Variants in SH3RF3 observed in about 807,000 individuals in gnomAD.
The protein encoded by SH3RF3 is E3 ubiquitin-protein ligase SH3RF3.
Under a neutral mutation model 66.3 loss-of-function variants are expected in SH3RF3, and 29 were observed. That is an observed-to-expected ratio of 0.44 (90% CI 0.33 to 0.60). The LOEUF (loss-of-function observed/expected upper bound fraction) is 0.60, where lower values mean the gene tolerates loss of function less well. Ranked by LOEUF, SH3RF3 falls within the 20% of genes least tolerant of loss-of-function variation. The pLI, the probability that SH3RF3 is intolerant of heterozygous loss-of-function variation, is 0.04. For missense variants in SH3RF3, 1,194 were observed against 1,190.9 expected, an observed-to-expected ratio of 1.00 and a Z score of -0.04; for synonymous variants, 583 against 532.0, an observed-to-expected ratio of 1.10 and a Z score of -1.32.
intron 1 of SH3RF3, among the ~76,000 whole-genome samples, chr2:109,252,838 C>T (rs1398699686): frequency 1.3e-5 from 2 of 152,080 alleles, no homozygotes; most frequent in African/African-American, 4.8e-5. Context: ...AAGTGAAAAA[C>T]ACTGGTTATA....
In SH3RF3 at chr2:109,169,507, C is replaced by A. The variant is rs372400596; in HGVS notation, c.573+39394C>A. Among the ~76,000 whole-genome samples the A allele has an allele frequency of 2.3e-4, 35 of 152,146 alleles. No individual in the cohort carries two copies. In the East Asian group the frequency reaches 6.0e-3, roughly 26 times the overall value. ...GGGAGCTTCTTATCTCTGCTCTGTG[C>A]TCTCTTGGTCATGGGTCCATTTTCA... On this transcript the variant is annotated intron_variant, in intron 1 of 9. Transcript: ENST00000309415.
At chr2:109,259,211 T>C (rs1413314072) in intron 1 of SH3RF3, among the ~76,000 whole-genome samples, 2 of 152,198 alleles carry the variant, frequency 1.3e-5, no homozygotes, top group Non-Finnish European at 2.9e-5. Flanking sequence ...TTCTCTGGCC[T>C]TCATGGGTCG....
chr2:109,293,857 C>T (rs1188446097), intron 1 of SH3RF3, among the ~76,000 whole-genome samples: 1 of 152,232 alleles, frequency 6.6e-6, no homozygotes, highest in Non-Finnish European at 1.5e-5. Context: ...TCTTGCTCCT[C>T]TACCTCACAT....
chr2:109,449,203 C>G lies in SH3RF3; in HGVS notation c.1862C>G (p.Pro621Arg). 6.2e-7 allele frequency: 1 copy of G among 1,613,676 alleles called. No individual in the cohort carries two copies. Among genetic ancestry groups the G allele is most frequent in the South Asian group, 1.1e-5 (1 of 90,996 alleles). Reference protein sequence around the residue: ...AHSAAQAQDRPTATVSPLRTQ... With the variant: ...AHSAAQAQDRRTATVSPLRTQ... Reference sequence around the variant, plus strand: ...TCTGCAGCCCAGGCTCAGGACCGGCCAACTGCCACCGTGTCACCCCTGCGC... The same window carrying G: ...TCTGCAGCCCAGGCTCAGGACCGGCGAACTGCCACCGTGTCACCCCTGCGC... The change falls in exon 8 of 10, where the codon CCA (proline) becomes CGA (arginine). Residue 621 changes from proline (P) to arginine (R), a missense_variant. By Grantham distance (103) the Pro-to-Arg change is moderately radical. Coordinates refer to ENST00000309415, the MANE Select transcript of SH3RF3 (RefSeq NM_001099289.3).
intron 1 of SH3RF3, among the ~76,000 whole-genome samples, chr2:109,203,338 G>A (rs1321635566): frequency 6.6e-6 from 1 of 152,242 alleles, no homozygotes; most frequent in African/African-American, 2.4e-5. Flanking sequence ...AGATGCGGCG[G>A]AGCTTGCTAG....
chr2:109,421,006 T>C (rs1004531076), intron 5 of SH3RF3, among the ~76,000 whole-genome samples: 1 of 152,216 alleles, frequency 6.6e-6, no homozygotes, highest in African/African-American at 2.4e-5. Flanking sequence ...GAGACTGATA[T>C]TCAAGTTTTC....
chr2:109,409,841 C>T (rs1676540330), intron 4 of SH3RF3, among the ~76,000 whole-genome samples: 1 of 152,104 alleles, frequency 6.6e-6, no homozygotes. Context: ...CTGATTTACA[C>T]CCCGTGTAAT....
chr2:109,361,484 C>A (rs888065958), intron 2 of SH3RF3, among the ~76,000 whole-genome samples: 1 of 152,050 alleles, frequency 6.6e-6, no homozygotes, highest in Non-Finnish European at 1.5e-5. Flanking sequence ...TATTCAGTTT[C>A]TTTTTTTAAA....
At chr2:109,394,432 AG>A (rs1676086644) in intron 3 of SH3RF3, among the ~76,000 whole-genome samples, 1 of 152,168 alleles carries the variant, frequency 6.6e-6, no homozygotes, top group African/African-American at 2.4e-5. Flanking sequence ...GCATCGGACT[AG>A]GGGGTGGCCC....
chr2:109,375,342 AC>A (rs1404274442), intron 3 of SH3RF3, among the ~76,000 whole-genome samples: 1 of 152,164 alleles, frequency 6.6e-6, no homozygotes, highest in Non-Finnish European at 1.5e-5. Context: ...CCACGCCAGG[AC>A]CCAGGGCACG....
At chr2:109,171,897 TC>T (rs1263941788) in intron 1 of SH3RF3, among the ~76,000 whole-genome samples, 1 of 152,380 alleles carries the variant, frequency 6.6e-6, no homozygotes, top group Non-Finnish European at 1.5e-5. Flanking sequence ...CATTCTGTGT[TC>T]CCATAAAGGG....
intron 1 of SH3RF3, among the ~76,000 whole-genome samples, chr2:109,289,062 G>T (rs1261727348): frequency 6.6e-6 from 1 of 152,192 alleles, no homozygotes. Flanking sequence ...TCCTGGAATA[G>T]GTGCTAAATT....
chr2:109,360,394 T>G (rs1229749126), intron 2 of SH3RF3, among the ~76,000 whole-genome samples: 1 of 152,204 alleles, frequency 6.6e-6, no homozygotes, highest in East Asian at 1.9e-4. Flanking sequence ...TTGCTTTTTG[T>G]AGGCTCGATG....
At chr2:109,452,532 A>G (rs1677904834) in intron 8 of SH3RF3, among the ~76,000 whole-genome samples, 1 of 152,202 alleles carries the variant, frequency 6.6e-6, no homozygotes, top group South Asian at 2.1e-4. Flanking sequence ...CCTTCCATGC[A>G]TGTACCAGAG....
At chr2:109,392,341 G>C (rs1676021282) in intron 3 of SH3RF3, among the ~76,000 whole-genome samples, 1 of 152,120 alleles carries the variant, frequency 6.6e-6, no homozygotes, top group Admixed American at 6.5e-5. Context: ...GGTGCTGCTT[G>C]TTCACTGTGT....
At chr2:109,322,172 C>G (rs1265671809) in intron 1 of SH3RF3, among the ~76,000 whole-genome samples, 1 of 152,124 alleles carries the variant, frequency 6.6e-6, no homozygotes, top group Non-Finnish European at 1.5e-5. Flanking sequence ...CACGGATACA[C>G]AGGAGACTCA....
intron 7 of SH3RF3, among the ~76,000 whole-genome samples, chr2:109,445,848 C>G (rs898570082): frequency 2.0e-5 from 3 of 152,016 alleles, no homozygotes; most frequent in Admixed American, 6.6e-5. Flanking sequence ...GCTGGTGATG[C>G]AATAGATCAT....
rs1396433926 is a variant in SH3RF3 at position 109,503,576 on chromosome 2, A to G, written c.*1905A>G. The G allele has an allele frequency of 6.6e-6, 1 of 152,210 alleles. No homozygotes were observed. The highest frequency in any genetic ancestry group is 1.5e-5 in the Non-Finnish European group (1 of 68,030). 9.4% of individuals were successfully genotyped at this position (152,210 alleles called of 1,614,324 possible). A position where few individuals can be genotyped will look rare whatever the true frequency, so the allele number is the denominator to read the frequency against. ...AACCAAAAGCTCTCTATTTACCATT[A>G]TTGCCAAACTTCATCAGTTGCCCAT... On this transcript the variant is annotated 3_prime_UTR_variant, in exon 10 of 10. Transcript: ENST00000309415.
intron 1 of SH3RF3, among the ~76,000 whole-genome samples, chr2:109,189,293 T>G (rs572679708): frequency 1.2e-4 from 18 of 151,970 alleles, no homozygotes; most frequent in Admixed American, 1.0e-3. Flanking sequence ...GCATTCTGAT[T>G]GTCAGGCTCC....
Sources: gnomAD v4.1 joint callset for allele counts (sites outside exome capture counted in the v4.1 genomes callset) on GRCh38, gnomAD v4.1.1 for gene constraint, MANE v1.5 for transcripts, NCBI Gene and HGNC (gene_info 2026-07-23, HGNC 2026-07-21) for gene names.